ADAMTS16: variants seen among roughly 807,000 people sequenced by gnomAD.
The protein encoded by ADAMTS16 is ADAM metallopeptidase with thrombospondin type 1 motif 16, also known as A disintegrin and metalloproteinase with thrombospondin motifs 16.
In ADAMTS16, 94 loss-of-function variants were observed where a neutral mutation model predicts 145.8. That is an observed-to-expected ratio of 0.64 (90% CI 0.55 to 0.77). ADAMTS16 has a LOEUF of 0.77. Ranked by LOEUF, ADAMTS16 falls within the 30% of genes least tolerant of loss-of-function variation. The pLI, the probability that ADAMTS16 is intolerant of heterozygous loss-of-function variation, is 0.00. For missense variants in ADAMTS16, 1,585 were observed against 1,591.5 expected, an observed-to-expected ratio of 1.00 and a Z score of 0.07; for synonymous variants, 659 against 604.3, an observed-to-expected ratio of 1.09 and a Z score of -1.33.
intron 9 of ADAMTS16, 52 bp downstream of exon 9, chr5:5,200,321 C>A: frequency 6.2e-7 from 1 of 1,604,518 alleles, no homozygotes. Context: ...TTGATGCTCA[C>A]TGCCTGGTCA....
chr5:5,262,808 G>A, intron 18 of ADAMTS16, 25 bp downstream of exon 18: 2 of 1,611,294 alleles, frequency 1.2e-6, no homozygotes, highest in Non-Finnish European at 1.7e-6. Flanking sequence ...GTTCATCAAA[G>A]CAGGTTTCCC....
At chr5:5,175,426 A>G (rs985641730) in intron 3 of ADAMTS16, among the ~76,000 whole-genome samples, 3 of 152,174 alleles carry the variant, frequency 2.0e-5, no homozygotes, top group Non-Finnish European at 4.4e-5. Context: ...CTCCTCAAGT[A>G]GAGAGGAGTC....
At chr5:5,208,832 T>C (rs778384199) in intron 9 of ADAMTS16, among the ~76,000 whole-genome samples, 7 of 152,200 alleles carry the variant, frequency 4.6e-5, no homozygotes, top group Non-Finnish European at 1.0e-4. Context: ...TTCCTCATGA[T>C]AAGTTTAAGA....
intron 18 of ADAMTS16, among the ~76,000 whole-genome samples, chr5:5,270,654 A>T (rs532529607): frequency 5.3e-5 from 8 of 152,364 alleles, no homozygotes; most frequent in Non-Finnish European, 4.4e-5. Context: ...GTTTCATTGT[A>T]TGATTTTAAC....
intron 3 of ADAMTS16, among the ~76,000 whole-genome samples, chr5:5,173,656 G>A (rs1432200209): frequency 6.6e-6 from 1 of 151,836 alleles, no homozygotes; most frequent in Non-Finnish European, 1.5e-5. Flanking sequence ...TGTATTTTTA[G>A]TAGAGATGGG....
intron 18 of ADAMTS16, among the ~76,000 whole-genome samples, chr5:5,300,648 T>C (rs111276118): frequency 1.3e-5 from 2 of 152,178 alleles, no homozygotes; most frequent in African/African-American, 2.4e-5. Context: ...AGTAATGTGG[T>C]GTGGCTATCA....
At chr5:5,277,962 A>T (rs1006459410) in intron 18 of ADAMTS16, among the ~76,000 whole-genome samples, 1 of 152,198 alleles carries the variant, frequency 6.6e-6, no homozygotes, top group Non-Finnish European at 1.5e-5. Flanking sequence ...AGCCTAAGTA[A>T]CAGAACAAGA....
At chr5:5,148,488 T>C (rs1039097373) in intron 3 of ADAMTS16, among the ~76,000 whole-genome samples, 4 of 152,260 alleles carry the variant, frequency 2.6e-5, no homozygotes, top group Non-Finnish European at 5.9e-5. Context: ...ATATCTTGTA[T>C]CATTTAATTA....
At chr5:5,188,211 C>T (rs983530112) in intron 6 of ADAMTS16, among the ~76,000 whole-genome samples, 6 of 152,186 alleles carry the variant, frequency 3.9e-5, no homozygotes, top group Admixed American at 2.6e-4. Flanking sequence ...CTTGAAGTTA[C>T]ATTGTACTGT....
chr5:5,286,049 T>C (rs1459098937), intron 18 of ADAMTS16, among the ~76,000 whole-genome samples: 1 of 152,208 alleles, frequency 6.6e-6, no homozygotes, highest in Non-Finnish European at 1.5e-5. Context: ...CAGATGCTGC[T>C]CCTCTGTTCT....
intron 3 of ADAMTS16, among the ~76,000 whole-genome samples, chr5:5,155,463 A>T (rs1335643432): frequency 6.6e-6 from 1 of 152,232 alleles, no homozygotes; most frequent in Non-Finnish European, 1.5e-5. Flanking sequence ...GCATTTGAGT[A>T]CTGAAAAATT....
At chr5:5,312,224 C>T (rs928894163) in intron 21 of ADAMTS16, among the ~76,000 whole-genome samples, 9 of 152,144 alleles carry the variant, frequency 5.9e-5, no homozygotes, top group Non-Finnish European at 1.2e-4. Flanking sequence ...TACCTCCAAA[C>T]CAGATGCAGC....
At chr5:5,143,299 C>T (rs922737371) in intron 2 of ADAMTS16, among the ~76,000 whole-genome samples, 1 of 151,842 alleles carries the variant, frequency 6.6e-6, no homozygotes, top group African/African-American at 2.4e-5. Context: ...ACAAACAACC[C>T]CATCAAAAAA....
intron 6 of ADAMTS16, among the ~76,000 whole-genome samples, chr5:5,188,043 T>C (rs1735558274): frequency 6.6e-6 from 1 of 152,188 alleles, no homozygotes; most frequent in Non-Finnish European, 1.5e-5. Context: ...AATTGGCCTG[T>C]AAGAAAATGG....
chr5:5,155,658 T>G (rs1286973857), intron 3 of ADAMTS16, among the ~76,000 whole-genome samples: 2 of 152,166 alleles, frequency 1.3e-5, no homozygotes, highest in Non-Finnish European at 2.9e-5. Context: ...AGCTGGTTCT[T>G]TAAGTAAGCT....
chr5:5,173,214 G>A (rs1017942094), intron 3 of ADAMTS16, among the ~76,000 whole-genome samples: 1 of 148,798 alleles, frequency 6.7e-6, no homozygotes, highest in African/African-American at 2.5e-5. Context: ...GCCACTCTAT[G>A]TCTTTTGGCT....
chr5:5,232,123 G>C (rs1401878190), intron 11 of ADAMTS16, among the ~76,000 whole-genome samples: 1 of 151,970 alleles, frequency 6.6e-6, no homozygotes, highest in Non-Finnish European at 1.5e-5. Flanking sequence ...TCAGACATTT[G>C]AAAATGATTT....
chr5:5,147,943 G>A (rs1734348484), intron 3 of ADAMTS16, among the ~76,000 whole-genome samples: 1 of 152,184 alleles, frequency 6.6e-6, no homozygotes, highest in African/African-American at 2.4e-5. Context: ...GGGAGGCTGA[G>A]CTGTGCCCTG....
chr5:5,288,858 C>A (rs1739196204), intron 18 of ADAMTS16, among the ~76,000 whole-genome samples: 1 of 152,128 alleles, frequency 6.6e-6, no homozygotes, highest in African/African-American at 2.4e-5. Context: ...CTGATCCTGC[C>A]ACTCCAGCTG....
Sources: gnomAD v4.1 joint callset for allele counts (sites outside exome capture counted in the v4.1 genomes callset) on GRCh38, gnomAD v4.1.1 for gene constraint, MANE v1.5 for transcripts, NCBI Gene and HGNC (gene_info 2026-07-23, HGNC 2026-07-21) for gene names.